IQGAP2: variants seen among roughly 807,000 people sequenced by gnomAD.
The protein encoded by IQGAP2 is ras GTPase-activating-like protein IQGAP2.
A neutral mutation model predicts 201.3 loss-of-function variants in IQGAP2; 173 were observed. The ratio of observed to expected loss-of-function variants is 0.86; its 90% CI spans 0.76 to 0.98. The LOEUF is 0.98. Ranked by LOEUF, IQGAP2 falls within the 50% of genes least tolerant of loss-of-function variation. The pLI, the probability that IQGAP2 is intolerant of heterozygous loss-of-function variation, is 0.00. For missense variants in IQGAP2, 1,687 were observed against 1,864.8 expected, an observed-to-expected ratio of 0.90 and a Z score of 1.76; for synonymous variants, 675 against 673.9, an observed-to-expected ratio of 1.00 and a Z score of -0.03.
rs188368565 is a variant in IQGAP2 at position 76,437,113 on chromosome 5, G to A, written c.47-24457G>A. Among the ~76,000 whole-genome samples, 584 of 151,784 alleles carry A rather than the reference G, an allele frequency of 3.8e-3. 1 individual carries two copies. Among genetic ancestry groups the A allele is most frequent in the African/African-American group, 0.013 (538 of 41,388 alleles). ...GCCACCCAGGCTGGAGTGCAATGGC[G>A]CAATCTCGACTCACTGCAACCTCTG... On this transcript the variant is annotated intron_variant, in intron 1 of 35. Transcript: ENST00000274364.
intron 1 of IQGAP2, among the ~76,000 whole-genome samples, chr5:76,434,429 T>G (rs1318231670): frequency 2.6e-5 from 4 of 152,134 alleles, no homozygotes; most frequent in African/African-American, 9.7e-5. Context: ...CAGTTATAAG[T>G]GAGAATGTAA....
chr5:76,659,347 A>G (rs1743047873), intron 21 of IQGAP2, among the ~76,000 whole-genome samples: 1 of 152,222 alleles, frequency 6.6e-6, no homozygotes, highest in South Asian at 2.1e-4. Flanking sequence ...GAGAAAATGT[A>G]TATGCCTGAT....
At chr5:76,409,419 G>C (rs1168034053) in intron 1 of IQGAP2, among the ~76,000 whole-genome samples, 3 of 151,554 alleles carry the variant, frequency 2.0e-5, no homozygotes, top group African/African-American at 7.3e-5. Context: ...GCTAATTTTT[G>C]TATTTTTGGT....
intron 2 of IQGAP2, among the ~76,000 whole-genome samples, chr5:76,485,471 C>A (rs1206997447): frequency 6.6e-6 from 1 of 152,124 alleles, no homozygotes; most frequent in Non-Finnish European, 1.5e-5. Flanking sequence ...TTTTTTCCCC[C>A]CTTGGTTATA....
chr5:76,405,502 T>C (rs1750745929), intron 1 of IQGAP2, among the ~76,000 whole-genome samples: 1 of 152,348 alleles, frequency 6.6e-6, no homozygotes, highest in East Asian at 1.9e-4. Context: ...TTCCAGACTT[T>C]CTTGTCACCC....
chr5:76,523,840 T>C (rs1758821389), intron 2 of IQGAP2, among the ~76,000 whole-genome samples: 1 of 152,110 alleles, frequency 6.6e-6, no homozygotes, highest in African/African-American at 2.4e-5. Flanking sequence ...GATTCAGGAT[T>C]TTAGAGAGTT....
intron 10 of IQGAP2, among the ~76,000 whole-genome samples, chr5:76,600,155 T>A (rs1747332770): frequency 6.6e-6 from 1 of 151,844 alleles, no homozygotes; most frequent in Non-Finnish European, 1.5e-5. Flanking sequence ...TCTCAAAAAA[T>A]AATAATAATA....
intron 1 of IQGAP2, among the ~76,000 whole-genome samples, chr5:76,416,769 G>A (rs939538789): frequency 1.3e-5 from 2 of 151,738 alleles, no homozygotes; most frequent in East Asian, 1.9e-4. Flanking sequence ...CTCGTGATCC[G>A]CCCACCTCGG....
At chr5:76,413,193 GA>G (rs1751229762) in intron 1 of IQGAP2, among the ~76,000 whole-genome samples, 1 of 101,244 alleles carries the variant, frequency 9.9e-6, no homozygotes, top group African/African-American at 4.0e-5. Flanking sequence ...TTTTGCGATG[GA>G]GTCTCACTGT....
At chr5:76,597,406 C>T (rs767401045) in intron 9 of IQGAP2, 33 bp from the exon 10 acceptor site, 2 of 1,610,514 alleles carry the variant, frequency 1.2e-6, no homozygotes, top group South Asian at 2.2e-5. Context: ...GAAAGAGCAA[C>T]CATTCTGACA....
intron 16 of IQGAP2, among the ~76,000 whole-genome samples, chr5:76,638,755 G>A (rs2432183): frequency 0.63 from 95,276 of 152,024 alleles, 29,941 homozygotes; most frequent in South Asian, 0.77. Context: ...AGATCTGAAT[G>A]TTTTCTTGCA....
In IQGAP2 at chr5:76,599,457, T is replaced by C. The variant is rs1230134608; in HGVS notation, c.1072-1355T>C. ...ATTTCTTCTTCCTCTCTCCTTATCC[T>C]TTTTGCTGTAAACCAATTTAGGTAT... On this transcript the variant is annotated intron_variant, in intron 10 of 35. Transcript: ENST00000274364. Among the ~76,000 whole-genome samples, 5 of 152,160 alleles carry C rather than the reference T, an allele frequency of 3.3e-5. No individual in the cohort carries two copies. The East Asian group carries it at 9.6e-4, about 29-fold the overall frequency.
rs1162762343 is a variant in IQGAP2 at position 76,707,745 on chromosome 5, T to C, written c.*432T>C. On this transcript the variant is annotated 3_prime_UTR_variant, in exon 36 of 36. Coordinates refer to ENST00000274364, the MANE Select transcript of IQGAP2 (RefSeq NM_006633.5). ...AAACCTAATTATTTGTAATGAATTA[T>C]TTAGACAGTTCTAAGCCCTGTCTTC... 6 of 156,284 alleles carry C rather than the reference T, an allele frequency of 3.8e-5. No individual in the cohort carries two copies. The highest frequency in any genetic ancestry group is 1.4e-4 in the African/African-American group (6 of 41,496). 9.7% of individuals were successfully genotyped at this position (156,284 alleles called of 1,614,324 possible).
At chr5:76,496,948 G>A (rs1757026719) in intron 2 of IQGAP2, among the ~76,000 whole-genome samples, 1 of 151,800 alleles carries the variant, frequency 6.6e-6, no homozygotes, top group Admixed American at 6.6e-5. Flanking sequence ...TCCTGTCTCT[G>A]CCTCCTGAGT....
At chr5:76,706,168 C>T (rs1747873613) in intron 35 of IQGAP2, among the ~76,000 whole-genome samples, 2 of 152,134 alleles carry the variant, frequency 1.3e-5, no homozygotes, top group Non-Finnish European at 2.9e-5. Flanking sequence ...AGTATACATG[C>T]TTCTGCTATT....
chr5:76,440,719 G>A (rs936472553), intron 1 of IQGAP2, among the ~76,000 whole-genome samples: 2 of 152,134 alleles, frequency 1.3e-5, no homozygotes, highest in Non-Finnish European at 2.9e-5. Context: ...GATGGCTTGA[G>A]ACAGCATAGC....
In IQGAP2 at chr5:76,406,029, T is replaced by C. The variant is rs370613368; in HGVS notation, c.46+2438T>C. 9.8e-5 allele frequency among the ~76,000 whole-genome samples: 15 copies of C among 152,354 alleles called. No homozygotes were observed. In the East Asian group the frequency reaches 2.9e-3, roughly 29 times the overall value. Reference sequence around the variant, plus strand: ...TTGGTAGTTTGAATTAAGTTGTCTATTGCTTATTTTGGGTCTGAGCTTCTG... The same window carrying C: ...TTGGTAGTTTGAATTAAGTTGTCTACTGCTTATTTTGGGTCTGAGCTTCTG... On this transcript the variant is annotated intron_variant, in intron 1 of 35. Coordinates refer to ENST00000274364, the MANE Select transcript of IQGAP2 (RefSeq NM_006633.5).
chr5:76,464,009 G>T (rs991677070), intron 2 of IQGAP2, among the ~76,000 whole-genome samples: 1 of 151,710 alleles, frequency 6.6e-6, no homozygotes, highest in Non-Finnish European at 1.5e-5. Context: ...CACTACACCT[G>T]GCTAATTTTT....
intron 1 of IQGAP2, among the ~76,000 whole-genome samples, chr5:76,432,924 C>A (rs193199899): frequency 6.6e-6 from 1 of 152,266 alleles, no homozygotes; most frequent in East Asian, 1.9e-4. Flanking sequence ...TATTTATTTC[C>A]CCTGCTCCCT....
Sources: allele counts gnomAD v4.1 joint callset (sites outside exome capture counted in the v4.1 genomes callset), GRCh38; gene constraint gnomAD v4.1.1; transcripts MANE v1.5; gene names NCBI Gene and HGNC (gene_info 2026-07-23, HGNC 2026-07-21).